Variants in STK10 observed in about 807,000 individuals in gnomAD.
STK10 encodes the protein serine/threonine-protein kinase 10.
A neutral mutation model predicts 113.8 loss-of-function variants in STK10; 78 were observed. That is an observed-to-expected ratio of 0.69 (90% CI 0.57 to 0.83). The LOEUF (loss-of-function observed/expected upper bound fraction) is 0.83. STK10 is among the 40% of genes least tolerant of loss of function. The probability of loss-of-function intolerance (pLI) is 0.00; values close to 1 mark genes in which losing one functional copy is unlikely to be tolerated. For synonymous variants in STK10, 465 were observed against 494.7 expected, an observed-to-expected ratio of 0.94 and a Z score of 0.80; for missense variants, 1,109 against 1,280.1, an observed-to-expected ratio of 0.87 and a Z score of 2.04.
Position 172,045,988 on chromosome 5 carries a change from C to A in STK10, c.2767-966G>T, listed in dbSNP as rs904038483. Among the ~76,000 whole-genome samples the A allele has an allele frequency of 4.6e-5, 7 of 151,186 alleles. No individual in the cohort carries two copies. In the East Asian group the frequency reaches 1.4e-3, roughly 30 times the overall value. On this transcript the variant is annotated intron_variant, in intron 18 of 18. Transcript: ENST00000176763. Reference sequence around the variant, plus strand: ...TACAGGCGTGAGCCACCGCGCCTGGCCTAGGATTTTCTAAAGAAACTGGAA... The same window carrying A: ...TACAGGCGTGAGCCACCGCGCCTGGACTAGGATTTTCTAAAGAAACTGGAA...
At chr5:172,131,975 C>T (rs980240311) in intron 2 of STK10, among the ~76,000 whole-genome samples, 4 of 152,132 alleles carry the variant, frequency 2.6e-5, no homozygotes, top group Non-Finnish European at 5.9e-5. Context: ...TCCTGCATGC[C>T]CTCTTGCTCT....
chr5:172,117,650 G>T lies in STK10; in HGVS notation c.371-20C>A. 1 of 1,613,626 alleles carries T rather than the reference G, an allele frequency of 6.2e-7. No homozygotes were observed. The highest frequency in any genetic ancestry group is 8.5e-7 in the Non-Finnish European group (1 of 1,179,790). ...CCAGCTCTGGAAATGGAGGAGAACG[G>T]CTGTCAATTCAGTAAGCCCTGGACA... is the stretch of plus-strand genomic sequence containing the variant. On this transcript the variant is annotated intron_variant, in intron 3 of 18. Coordinates refer to ENST00000176763, the MANE Select transcript of STK10 (RefSeq NM_005990.4).
At chr5:172,174,653 G>C (rs1471016156) in intron 1 of STK10, among the ~76,000 whole-genome samples, 4 of 152,208 alleles carry the variant, frequency 2.6e-5, no homozygotes, top group African/African-American at 9.7e-5. Context: ...GAAATCTACA[G>C]GCAGCTGCCA....
At chr5:172,129,803 T>C (rs1023029225) in intron 2 of STK10, among the ~76,000 whole-genome samples, 1 of 152,136 alleles carries the variant, frequency 6.6e-6, no homozygotes, top group Admixed American at 6.5e-5. Flanking sequence ...TCAGTGACCA[T>C]GCAAGGCCAC....
At chr5:172,121,142 C>T (rs750857231) in intron 3 of STK10, among the ~76,000 whole-genome samples, 17 of 151,668 alleles carry the variant, frequency 1.1e-4, no homozygotes, top group Admixed American at 2.0e-4. Context: ...AATTCTCCTG[C>T]CTCAGCCTCC....
chr5:172,099,850 C>G (rs1768943375), intron 7 of STK10, among the ~76,000 whole-genome samples: 1 of 152,230 alleles, frequency 6.6e-6, no homozygotes, highest in Non-Finnish European at 1.5e-5. Context: ...TCGGGGCACC[C>G]CATGTATTGA....
At chr5:172,072,345 C>T (rs567112815) in intron 12 of STK10, among the ~76,000 whole-genome samples, 18 of 152,196 alleles carry the variant, frequency 1.2e-4, no homozygotes, top group African/African-American at 4.3e-4. Flanking sequence ...CGGCTCACTG[C>T]AAGATCCGCC....
chr5:172,049,395 C>T (rs146151471), intron 18 of STK10, among the ~76,000 whole-genome samples: 44 of 152,056 alleles, frequency 2.9e-4, no homozygotes, highest in African/African-American at 9.9e-4. Context: ...CAGAAGTTGG[C>T]CAAGCAAAGG....
At chr5:172,162,511 G>T (rs936341356) in intron 1 of STK10, among the ~76,000 whole-genome samples, 5 of 151,980 alleles carry the variant, frequency 3.3e-5, no homozygotes, top group Non-Finnish European at 5.9e-5. Flanking sequence ...TTGTAAAGCT[G>T]ATTTCTGTAC....
At chr5:172,147,887 G>A (rs1352885190) in intron 2 of STK10, among the ~76,000 whole-genome samples, 4 of 152,166 alleles carry the variant, frequency 2.6e-5, no homozygotes, top group Admixed American at 2.0e-4. Flanking sequence ...ACAAAACATT[G>A]TAATAAGGGC....
At chr5:172,161,230 T>C (rs1038114859) in intron 1 of STK10, among the ~76,000 whole-genome samples, 1 of 152,046 alleles carries the variant, frequency 6.6e-6, no homozygotes, top group African/African-American at 2.4e-5. Flanking sequence ...GATGGGTGGA[T>C]TGCTTGAGGT....
intron 1 of STK10, among the ~76,000 whole-genome samples, chr5:172,177,538 ATGTCACTATCGAGCACC>A: frequency 6.6e-6 from 1 of 152,312 alleles, no homozygotes; most frequent in African/African-American, 2.4e-5. Context: ...CACTAGCCAC[ATGTCACTATCGAGCACC>A]TGACATGTGG....
At chr5:172,086,058 G>A (rs995808611) in intron 10 of STK10, among the ~76,000 whole-genome samples, 7 of 152,228 alleles carry the variant, frequency 4.6e-5, no homozygotes, top group African/African-American at 1.7e-4. Flanking sequence ...CTGGGTGCCC[G>A]CTCGGGGAGT....
chr5:172,095,582 G>A (rs1768830479), intron 8 of STK10, among the ~76,000 whole-genome samples: 2 of 152,266 alleles, frequency 1.3e-5, no homozygotes, highest in South Asian at 2.1e-4. Flanking sequence ...GGGGCTCCAT[G>A]CATGGCGGGG....
rs1770412586 is a variant in STK10, at chr5:172,159,173, C to A, written c.157-2385G>T. On this transcript the variant is annotated intron_variant, in intron 1 of 18. Coordinates refer to ENST00000176763, the MANE Select transcript of STK10 (RefSeq NM_005990.4). ...TGAGGACCCACAGCTCCCCAAGGAT[C>A]CTGCGAGGACGTTGGTGGGGAATGC... is the stretch of plus-strand genomic sequence containing the variant. Among the ~76,000 whole-genome samples the A allele has an allele frequency of 2.0e-5, 3 of 152,170 alleles. No homozygotes were observed. In the South Asian group the frequency reaches 6.2e-4, roughly 32 times the overall value.
intron 18 of STK10, among the ~76,000 whole-genome samples, chr5:172,050,102 C>A (rs1277956556): frequency 6.6e-6 from 1 of 152,164 alleles, no homozygotes; most frequent in Non-Finnish European, 1.5e-5. Context: ...CATGCCAGGC[C>A]CACTCATAGT....
intron 3 of STK10, among the ~76,000 whole-genome samples, chr5:172,119,603 G>A (rs376319873): frequency 1.3e-5 from 2 of 152,052 alleles, no homozygotes; most frequent in Admixed American, 6.6e-5. Flanking sequence ...GGTGGCTCAC[G>A]CCTGTAATCC....
chr5:172,128,262 C>T (rs1362453021), intron 2 of STK10, among the ~76,000 whole-genome samples: 1 of 149,876 alleles, frequency 6.7e-6, no homozygotes, highest in Non-Finnish European at 1.5e-5. Flanking sequence ...TTCTTCCAGC[C>T]CTGGTTCACT....
In STK10 at chr5:172,052,914, C is replaced by T. The variant is rs771606415; in HGVS notation, c.2766+15G>A. The T allele has an allele frequency of 6.2e-7, 1 of 1,613,300 alleles. No individual in the cohort carries two copies. The highest frequency in any genetic ancestry group is 8.5e-7 in the Non-Finnish European group (1 of 1,179,810). On this transcript the variant is annotated intron_variant, in intron 18 of 18. Transcript: ENST00000176763. ...CAGAGCCCGAGACTGAGCCCACCAG[C>T]TCGGATAAAGTTACCTTCTTGCGCG...
Sources: allele counts gnomAD v4.1 joint callset (sites outside exome capture counted in the v4.1 genomes callset), GRCh38; gene constraint gnomAD v4.1.1; transcripts MANE v1.5; gene names NCBI Gene and HGNC (gene_info 2026-07-23, HGNC 2026-07-21).